KCNJ5: variants seen among roughly 807,000 people sequenced by gnomAD.
The protein encoded by KCNJ5 is potassium inwardly rectifying channel subfamily J member 5.
KCNJ5 carries 12 observed loss-of-function variants against 20.2 expected under a neutral mutation model. The observed-to-expected ratio is 0.59, with a 90% CI of 0.38 to 0.96. The LOEUF (loss-of-function observed/expected upper bound fraction) is 0.96, where lower values mean the gene tolerates loss of function less well. Among genes scored for constraint, KCNJ5 ranks in the 40% least tolerant of loss-of-function variants. The pLI, the probability that KCNJ5 is intolerant of heterozygous loss-of-function variation, is 0.00. For missense variants in KCNJ5, 449 were observed against 557.6 expected (o/e 0.81, Z 1.96); for synonymous variants, 210 against 213.9 (o/e 0.98, Z 0.16).
At chr11:128,913,558 G>A (rs369444072) in intron 2 of KCNJ5, among the ~76,000 whole-genome samples, 35 of 137,038 alleles carry the variant, frequency 2.6e-4, no homozygotes, top group African/African-American at 8.7e-4. Flanking sequence ...TTTCTTCCTC[G>A]TGCCTTCCTT....
In KCNJ5 at chr11:128,911,722, T is replaced by C. The variant is rs1232257803; in HGVS notation, c.449T>C (p.Ile150Thr). The change falls in exon 2 of 3, where the codon ATT (isoleucine) becomes ACT (threonine). Residue 150 changes from isoleucine to threonine, a missense_variant. Around this residue, in one of 5 missense-constraint regions of KCNJ5, gnomAD observed 203 missense variants for 258.0 expected, o/e 0.79. Coordinates refer to ENST00000529694, the MANE Select transcript of KCNJ5 (RefSeq NM_000890.5). This position sits in a 1 kb window ranked among gnomAD's most constrained non-coding sequence, Gnocchi z 6.3. ...FLFSIETETT[I>T]GYGFRVITEK... ...TTCTCCATTGAGACCGAAACAACCA[T>C]TGGGTATGGCTTCCGAGTCATCACA... 1.8e-5 allele frequency: 29 copies of C among 1,613,970 alleles called. No homozygotes were observed. The highest frequency in any genetic ancestry group is 3.3e-5 in the Admixed American group (2 of 59,988).
chr11:128,902,783 A>G, intron 1 of KCNJ5: 2 of 1,497,872 alleles, frequency 1.3e-6, no homozygotes, highest in Middle Eastern at 3.9e-4. Flanking sequence ...CAGCACTCTC[A>G]GCCTAACTCA....
At position 128,911,770 on chromosome 11, in the gene KCNJ5, T is replaced by C. The variant is rs908209122; in HGVS notation, c.497T>C (p.Ile166Thr). ...ACAGAGAAGTGTCCAGAGGGGATTA[T>C]ACTCCTCTTGGTCCAGGCCATCCTG... is the stretch of plus-strand genomic sequence containing the variant. ...VITEKCPEGI[I>T]LLLVQAILGS... The change falls in exon 2 of 3, where the codon ATA becomes ACA. Residue 166 changes from isoleucine (I) to threonine (T), a missense_variant. By Grantham distance (89) the Ile-to-Thr change is moderately conservative (BLOSUM62 -1). This residue lies in a region of KCNJ5 where 203 missense variants were observed against 258.0 expected (regional missense o/e 0.79). Coordinates refer to ENST00000529694, the MANE Select transcript of KCNJ5 (RefSeq NM_000890.5). This position sits in a 1 kb window ranked among gnomAD's most constrained non-coding sequence, Gnocchi z 6.3. 6 of 1,614,054 alleles carry C rather than the reference T, an allele frequency of 3.7e-6. No homozygotes were observed. Among genetic ancestry groups the C allele is most frequent in the Admixed American group, 3.3e-5 (2 of 60,008 alleles).
chr11:128,905,799 T>TGCAGC (rs1228311350), intron 1 of KCNJ5: 1 of 152,436 alleles, frequency 6.6e-6, no homozygotes, highest in African/African-American at 2.4e-5. Flanking sequence ...TCGTAGACGC[T>TGCAGC]GCAGCGGAGC....
At chr11:128,892,357 G>T (rs551683939) in intron 1 of KCNJ5, among the ~76,000 whole-genome samples, 1 of 152,316 alleles carries the variant, frequency 6.6e-6, no homozygotes, top group East Asian at 1.9e-4. Flanking sequence ...CTTCAAGTCA[G>T]TGCTTCTCCC....
rs1441307479 is a variant in KCNJ5 at position 128,891,429 on chromosome 11, C to CAGAGAGAGAGAG, written c.-302_-301insGAGAGAGAGAGA. The stretch of plus-strand genomic sequence containing the variant: ...ACACACACACACACACACACACACA[C>CAGAGAGAGAGAG]ACACACACACACAGAGAGAGAGAGA... On this transcript the variant is annotated 5_prime_UTR_variant, in exon 1 of 3. Coordinates refer to ENST00000529694, the MANE Select transcript of KCNJ5 (RefSeq NM_000890.5). 52 of 101,326 alleles carry CAGAGAGAGAGAG rather than the reference C, an allele frequency of 5.1e-4. No individual in the cohort carries two copies. The highest frequency in any genetic ancestry group is 4.8e-3 in the East Asian group (15 of 3,130). 6.3% of individuals were successfully genotyped at this position (101,326 alleles called of 1,614,324 possible). A position where few individuals can be genotyped will look rare whatever the true frequency, so the allele number is the denominator to read the frequency against.
chr11:128,916,643 A>C lies in KCNJ5; in HGVS notation c.1172A>C (p.Glu391Ala). Residue 391 changes from glutamate (E) to alanine (A), a missense_variant, in exon 3 of 3, where the codon GAG becomes GCG. Physicochemically the swap from Glu to Ala is moderately radical, Grantham distance 107. Transcript: ENST00000529694. ...CCCCCACTGCTGGGGGGCTGTGCTGAGGCAGGGCTGGATGCAGAGGCTGAG... is the reference window on the plus strand; with the variant it reads ...CCCCCACTGCTGGGGGGCTGTGCTGCGGCAGGGCTGGATGCAGAGGCTGAG... Reference protein sequence around the residue: ...PSPPLLGGCAEAGLDAEAEQN... With the variant: ...PSPPLLGGCAAAGLDAEAEQN... 2 of 1,613,452 alleles carry C rather than the reference A, an allele frequency of 1.2e-6. No homozygotes were observed. Among genetic ancestry groups the C allele is most frequent in the Non-Finnish European group, 1.7e-6 (2 of 1,179,766 alleles).
chr11:128,893,071 T>G (rs1944119828), intron 1 of KCNJ5, among the ~76,000 whole-genome samples: 1 of 152,252 alleles, frequency 6.6e-6, no homozygotes, highest in Admixed American at 6.5e-5. Flanking sequence ...TTGCATCATC[T>G]GGCTGAATGA....
At chr11:128,893,431 CA>C (rs925521996) in intron 1 of KCNJ5, among the ~76,000 whole-genome samples, 22 of 141,828 alleles carry the variant, frequency 1.6e-4, no homozygotes, top group Admixed American at 2.8e-4. Context: ...GACCCCATCT[CA>C]AAAAAAAAAG....
chr11:128,895,365 C>T (rs1944157646), intron 1 of KCNJ5, among the ~76,000 whole-genome samples: 1 of 136,242 alleles, frequency 7.3e-6, no homozygotes, highest in South Asian at 2.5e-4. Flanking sequence ...TGTGTCTTCC[C>T]CTTAGAGTGT....
At chr11:128,900,939 G>A (rs1005610862) in intron 1 of KCNJ5, 4 of 152,156 alleles carry the variant, frequency 2.6e-5, no homozygotes, top group Non-Finnish European at 2.9e-5. Context: ...CAATCCAGGG[G>A]GGCCAAGTAC....
intron 1 of KCNJ5, chr11:128,902,715 T>C (rs1019730097): frequency 6.2e-7 from 1 of 1,600,922 alleles, no homozygotes; most frequent in Non-Finnish European, 8.5e-7. Context: ...GTGGCAGACC[T>C]GTTGGTGCAA....
intron 1 of KCNJ5, among the ~76,000 whole-genome samples, chr11:128,894,187 T>A (rs1168720799): frequency 6.6e-6 from 1 of 151,962 alleles, no homozygotes; most frequent in African/African-American, 2.4e-5. Flanking sequence ...TGCATTGTTT[T>A]TTTTTTTTTT....
At chr11:128,898,678 A>ATTTC (rs1240303896) in intron 1 of KCNJ5, among the ~76,000 whole-genome samples, 12 of 150,680 alleles carry the variant, frequency 8.0e-5, no homozygotes, top group African/African-American at 2.9e-4. Context: ...TGATTTTTCT[A>ATTTC]TTTCTTTCTT....
At chr11:128,896,107 T>TC (rs1042181789) in intron 1 of KCNJ5, among the ~76,000 whole-genome samples, 3 of 152,192 alleles carry the variant, frequency 2.0e-5, no homozygotes, top group African/African-American at 7.2e-5. Flanking sequence ...GTTCTTTTTT[T>TC]CCCCTCCATT....
At chr11:128,904,226 G>A (rs1382937973) in intron 1 of KCNJ5, among the ~76,000 whole-genome samples, 1 of 152,172 alleles carries the variant, frequency 6.6e-6, no homozygotes, top group Non-Finnish European at 1.5e-5. Context: ...ACAAGGCTCT[G>A]CCACCTCACC....
chr11:128,904,309 G>T, intron 1 of KCNJ5: 1 of 1,433,680 alleles, frequency 7.0e-7, no homozygotes, highest in Non-Finnish European at 9.5e-7. Flanking sequence ...GCCAAATTCA[G>T]GACTGCACCC....
At chr11:128,908,760 C>CCTGCCCTG (rs561776213) in intron 1 of KCNJ5, among the ~76,000 whole-genome samples, 241 of 152,322 alleles carry the variant, frequency 1.6e-3, no homozygotes, top group Middle Eastern at 3.4e-3. Context: ...TGGCACTGTG[C>CCTGCCCTG]CTGCCCTGCC....
chr11:128,898,567 C>G (rs1467196993), intron 1 of KCNJ5, among the ~76,000 whole-genome samples: 1 of 152,278 alleles, frequency 6.6e-6, no homozygotes, highest in Non-Finnish European at 1.5e-5. Context: ...TCCTCCTCCT[C>G]AGCTTTCGTT....
Sources: allele counts gnomAD v4.1 joint callset (sites outside exome capture counted in the v4.1 genomes callset), GRCh38; gene constraint gnomAD v4.1.1; regional missense constraint gnomAD v4.1.1; non-coding constraint Gnocchi (gnomAD v3.1); transcripts MANE v1.5; gene names NCBI Gene and HGNC (gene_info 2026-07-23, HGNC 2026-07-21).